ADRA1A: variants seen among roughly 807,000 people sequenced by gnomAD.
ADRA1A encodes the protein alpha-1A adrenergic receptor.
A neutral mutation model predicts 29.6 loss-of-function variants in ADRA1A; 31 were observed. That is an observed-to-expected ratio of 1.05 (90% confidence interval 0.79 to 1.41). The LOEUF is 1.41. ADRA1A is among the 40% of genes most tolerant of loss of function. ADRA1A has a pLI of 0.00. For synonymous variants in ADRA1A, 311 were observed against 254.3 expected (o/e 1.22, Z -2.12); for missense variants, 619 against 601.1 (o/e 1.03, Z -0.31).
chr8:26,768,722 T>C (rs760649856), downstream of ADRA1A: 1 of 195,212 alleles, frequency 5.1e-6, no homozygotes. Flanking sequence ...TTTGATTATG[T>C]ATATGCAAGT....
downstream of ADRA1A, among the ~76,000 whole-genome samples, chr8:26,752,036 C>T (rs1386542515): frequency 6.6e-6 from 1 of 151,648 alleles, no homozygotes; most frequent in Non-Finnish European, 1.5e-5. Flanking sequence ...ATTTACACCA[C>T]AAAAATTGAC....
rs1420131679 is a variant in ADRA1A at position 26,796,262 on chromosome 8, A to G, written c.884-25596T>C. On this transcript the variant is annotated intron_variant, in intron 2 of 2. Transcript: ENST00000380573. The surrounding 1 kb of genome is among the most constrained non-coding windows in gnomAD (Gnocchi z 5.0). ...ATTACATGATTGTCTCTACTTTTGTATGCATTTGATAATATCCATAATAAA... is the reference window on the plus strand; with the variant it reads ...ATTACATGATTGTCTCTACTTTTGTGTGCATTTGATAATATCCATAATAAA... Among the ~76,000 whole-genome samples, 3 of 152,198 alleles carry G rather than the reference A, an allele frequency of 2.0e-5. No individual in the cohort carries two copies. The highest frequency in any genetic ancestry group is 7.2e-5 in the African/African-American group (3 of 41,460).
At chr8:26,773,632 A>T (rs1685086241) in intron 2 of ADRA1A, among the ~76,000 whole-genome samples, 2 of 152,214 alleles carry the variant, frequency 1.3e-5, no homozygotes, top group Admixed American at 1.3e-4. Context: ...AAAGAAAAAA[A>T]AATATGCACT....
chr8:26,799,688 C>T (rs1808432049), intron 2 of ADRA1A, among the ~76,000 whole-genome samples: 1 of 152,132 alleles, frequency 6.6e-6, no homozygotes. Context: ...GCTTGTTTCA[C>T]CTTCAATGTG....
In ADRA1A at chr8:26,832,734, G is replaced by T. The variant is rs117246132; in HGVS notation, c.883+31353C>A. 3.9e-5 allele frequency among the ~76,000 whole-genome samples: 6 copies of T among 152,224 alleles called. No individual in the cohort carries two copies. In the East Asian group the frequency reaches 5.8e-4, roughly 15 times the overall value. ...TAGACTCTGAGACGGAGGTTTGCCT[G>T]CAGGAGGATGTGCCCTCCTTGTCAC... On this transcript the variant is annotated intron_variant, in intron 2 of 2. Coordinates refer to ENST00000380573, the MANE Select transcript of ADRA1A (RefSeq NM_000680.4).
At chr8:26,812,233 T>C (rs920602485) in intron 2 of ADRA1A, among the ~76,000 whole-genome samples, 2 of 152,318 alleles carry the variant, frequency 1.3e-5, no homozygotes, top group East Asian at 3.9e-4. Context: ...TTCTTCCTCC[T>C]CCTCTGCTCC....
rs1813940450 is a variant in ADRA1A, at chr8:26,866,862, C to T, written c.-687+74G>A. 2.0e-6 allele frequency: 2 copies of T among 985,392 alleles called. No individual in the cohort carries two copies. Among genetic ancestry groups the T allele is most frequent in the Admixed American group, 6.1e-5 (1 of 16,262 alleles). 61.0% of individuals were successfully genotyped at this position (985,392 alleles called of 1,614,324 possible). Reference sequence around the variant, plus strand: ...GAGGCGCTGGGAAAAGTGGGGGTTCCGTCTCACCAGACGGCGGGGGAGGTC... The same window carrying T: ...GAGGCGCTGGGAAAAGTGGGGGTTCTGTCTCACCAGACGGCGGGGGAGGTC... On this transcript the variant is annotated intron_variant, in intron 1 of 2. Transcript: ENST00000380573. This position sits in a 1 kb window ranked among gnomAD's most constrained non-coding sequence, Gnocchi z 5.7.
At position 26,811,726 on chromosome 8, in the gene ADRA1A, G is replaced by T. The variant is rs150798489; in HGVS notation, c.884-41060C>A. 1.2e-3 allele frequency among the ~76,000 whole-genome samples: 187 copies of T among 152,214 alleles called. 3 individuals carry two copies. Among genetic ancestry groups the T allele is most frequent in the African/African-American group, 4.4e-3 (181 of 41,526 alleles). ...TAGAACATTTCCAGCACCTCAGAAG[G>T]CTCCCTCATGCTCCCTCCCTATAAA... On this transcript the variant is annotated intron_variant, in intron 2 of 2. Coordinates refer to ENST00000380573, the MANE Select transcript of ADRA1A (RefSeq NM_000680.4).
chr8:26,832,172 T>TCAGGTGGGATCTC (rs1482015305), intron 2 of ADRA1A, among the ~76,000 whole-genome samples: 1 of 152,174 alleles, frequency 6.6e-6, no homozygotes, highest in African/African-American at 2.4e-5. Flanking sequence ...CCTTTGATCT[T>TCAGGTGGGATCTC]CAGGTGGGAT....
chr8:26,776,865 G>A (rs1806584328), intron 2 of ADRA1A, among the ~76,000 whole-genome samples: 2 of 152,216 alleles, frequency 1.3e-5, no homozygotes, highest in Non-Finnish European at 1.5e-5. Context: ...ATGACCATGG[G>A]AGAAAATAAT....
At chr8:26,789,162 G>T (rs1198794372) in intron 2 of ADRA1A, among the ~76,000 whole-genome samples, 1 of 151,826 alleles carries the variant, frequency 6.6e-6, no homozygotes, top group Non-Finnish European at 1.5e-5. Flanking sequence ...TTTAAAAAGG[G>T]TAAAATTCAT....
At chr8:26,812,129 T>G (rs917285332) in intron 2 of ADRA1A, among the ~76,000 whole-genome samples, 3 of 152,188 alleles carry the variant, frequency 2.0e-5, no homozygotes, top group Non-Finnish European at 4.4e-5. Context: ...TCTAATGAAA[T>G]GAGAGGCTGA....
chr8:26,867,349 C>T, upstream of ADRA1A: 1 of 985,108 alleles, frequency 1.0e-6, no homozygotes, highest in South Asian at 4.7e-5. Flanking sequence ...GGCACAAGTG[C>T]GTATACAGCT....
chr8:26,837,598 C>A (rs910643680), intron 2 of ADRA1A, among the ~76,000 whole-genome samples: 1 of 149,852 alleles, frequency 6.7e-6, no homozygotes, highest in Admixed American at 6.7e-5. Flanking sequence ...TTGCAGTGAG[C>A]CAAGATGGCA....
At chr8:26,845,432 A>G (rs77267001) in intron 2 of ADRA1A, among the ~76,000 whole-genome samples, 7,821 of 152,288 alleles carry the variant, frequency 0.051, 290 homozygotes, top group Admixed American at 0.11. Context: ...TTAAAAAATG[A>G]CAAGTAATGG....
intron 2 of ADRA1A, among the ~76,000 whole-genome samples, chr8:26,819,817 G>T (rs554743291): frequency 1.3e-5 from 2 of 152,206 alleles, no homozygotes; most frequent in African/African-American, 4.8e-5. Context: ...CAGAGCACCT[G>T]AATGGGTTTA....
chr8:26,859,198 G>A (rs538378), intron 2 of ADRA1A: 170,059 of 1,282,890 alleles, frequency 0.13, 11,964 homozygotes, highest in Admixed American at 0.25. Flanking sequence ...ATTTAAGAAT[G>A]TATGTCCCTT....
At chr8:26,752,512 A>G (rs768420630), downstream of ADRA1A, among the ~76,000 whole-genome samples, 2 of 152,234 alleles carry the variant, frequency 1.3e-5, no homozygotes, top group African/African-American at 2.4e-5. Flanking sequence ...GCATTTACCT[A>G]TGCAAGCTTC....
At chr8:26,851,698 A>G (rs959632043) in intron 2 of ADRA1A, among the ~76,000 whole-genome samples, 2 of 152,216 alleles carry the variant, frequency 1.3e-5, no homozygotes, top group Non-Finnish European at 2.9e-5. Flanking sequence ...CTATCTTTAA[A>G]TGAAGATATT....
Sources: gnomAD v4.1 joint callset for allele counts (sites outside exome capture counted in the v4.1 genomes callset) on GRCh38, gnomAD v4.1.1 for gene constraint, Gnocchi (gnomAD v3.1) non-coding constraint, MANE v1.5 for transcripts, NCBI Gene and HGNC (gene_info 2026-07-23, HGNC 2026-07-21) for gene names.